TSHZ2: variants seen among roughly 807,000 people sequenced by gnomAD.
TSHZ2 encodes the protein teashirt zinc finger homeobox 2.
TSHZ2 carries 21 observed loss-of-function variants against 74.4 expected under a neutral mutation model. The observed-to-expected ratio is 0.28, with a 90% CI of 0.20 to 0.41. The LOEUF (loss-of-function observed/expected upper bound fraction) is 0.41, where lower values mean the gene tolerates loss of function less well. Ranked by LOEUF, TSHZ2 falls within the 10% of genes least tolerant of loss-of-function variation. The pLI is 1.00. For missense variants in TSHZ2, 1,244 were observed against 1,293.5 expected (o/e 0.96, Z 0.59); for synonymous variants, 540 against 515.3 (o/e 1.05, Z -0.65).
intron 2 of TSHZ2, among the ~76,000 whole-genome samples, chr20:53,310,896 G>A (rs1192083681): frequency 1.3e-5 from 2 of 152,202 alleles, no homozygotes; most frequent in Non-Finnish European, 2.9e-5. Context: ...CACTCAAGGA[G>A]AAGGGACTAC....
intron 2 of TSHZ2, among the ~76,000 whole-genome samples, chr20:53,484,376 C>A (rs886548652): frequency 7.7e-6 from 1 of 130,378 alleles, no homozygotes; most frequent in Non-Finnish European, 1.6e-5. Flanking sequence ...TTACTTTTAT[C>A]TCTCTCTTTT....
chr20:53,388,646 T>G (rs1272763119), intron 2 of TSHZ2, among the ~76,000 whole-genome samples: 3 of 151,574 alleles, frequency 2.0e-5, no homozygotes, highest in African/African-American at 7.3e-5. Context: ...CAGGCGACCT[T>G]GGCTCACTGC....
At chr20:53,325,451 G>A (rs899699682) in intron 2 of TSHZ2, among the ~76,000 whole-genome samples, 1 of 152,200 alleles carries the variant, frequency 6.6e-6, no homozygotes, top group African/African-American at 2.4e-5. Context: ...GCCTGGGAGA[G>A]CAGCTGGCCG....
At chr20:53,064,374 G>C (rs895968839) in intron 1 of TSHZ2, among the ~76,000 whole-genome samples, 2 of 152,146 alleles carry the variant, frequency 1.3e-5, no homozygotes, top group Non-Finnish European at 2.9e-5. Context: ...TTAAGCAAAA[G>C]TCATGTACAG....
At chr20:53,050,103 G>GTATGTATATATATATATATATATA (rs1422702818) in intron 1 of TSHZ2, among the ~76,000 whole-genome samples, 8 of 116,054 alleles carry the variant, frequency 6.9e-5, no homozygotes, top group African/African-American at 3.1e-4. Context: ...GTATATGTGT[G>GTATGTATATATATATATATATATA]TATATATATA....
chr20:53,141,860 G>A (rs1230347046), intron 1 of TSHZ2, among the ~76,000 whole-genome samples: 1 of 152,214 alleles, frequency 6.6e-6, no homozygotes, highest in Admixed American at 6.5e-5. Flanking sequence ...CTCCATCACC[G>A]GGGAGAAGTG....
Position 53,255,333 on chromosome 20 carries a change from TTTCAGCCA to T in TSHZ2, c.1876_1883del (p.Phe626GlnfsTer2). On this transcript the variant is annotated frameshift_variant, in exon 2 of 3. Transcript: ENST00000371497. LOFTEE classifies it high-confidence loss of function. The surrounding 1 kb of genome is among the most constrained non-coding windows in gnomAD (Gnocchi z 4.1). ...AAAGTCCCCACGAAGAGGCCTCATC[TTTCAGCCA>T]CAGTGAGGGCGATTCTTTCCGCAAA... is the stretch of plus-strand genomic sequence containing the variant. The T allele has an allele frequency of 3.7e-6, 6 of 1,614,022 alleles. No homozygotes were observed. Among genetic ancestry groups the T allele is most frequent in the Non-Finnish European group, 5.1e-6 (6 of 1,179,952 alleles).
chr20:53,151,613 G>T (rs1987679020), intron 1 of TSHZ2, among the ~76,000 whole-genome samples: 1 of 152,074 alleles, frequency 6.6e-6, no homozygotes. Context: ...ATTTTTTTAA[G>T]CTTTAAAAAG....
At chr20:53,204,166 TATCATCATATGATGATATGATAC>T (rs1273499322) in intron 1 of TSHZ2, among the ~76,000 whole-genome samples, 4 of 143,946 alleles carry the variant, frequency 2.8e-5, no homozygotes, top group Admixed American at 1.4e-4. Flanking sequence ...TATGATACTA[TATCATCATATGATGATATGATAC>T]TATATCATCA....
chr20:53,220,679 C>T (rs1989534142), intron 1 of TSHZ2, among the ~76,000 whole-genome samples: 1 of 152,212 alleles, frequency 6.6e-6, no homozygotes, highest in Non-Finnish European at 1.5e-5. Flanking sequence ...ACAGAAAAAG[C>T]TTGCTGACTG....
intron 2 of TSHZ2, among the ~76,000 whole-genome samples, chr20:53,340,979 C>T (rs529417553): frequency 9.9e-5 from 15 of 152,284 alleles, no homozygotes; most frequent in African/African-American, 3.4e-4. Flanking sequence ...GCTGTGCTTG[C>T]CATTGTCATT....
chr20:53,352,241 T>C (rs1254864911), intron 2 of TSHZ2, among the ~76,000 whole-genome samples: 24 of 143,984 alleles, frequency 1.7e-4, no homozygotes, highest in Non-Finnish European at 3.6e-4. Flanking sequence ...TCTTTTTTTT[T>C]TTTTTTTTTT....
At chr20:53,004,553 AG>A (rs1486062567) in intron 1 of TSHZ2, among the ~76,000 whole-genome samples, 1 of 152,230 alleles carries the variant, frequency 6.6e-6, no homozygotes, top group African/African-American at 2.4e-5. Context: ...ATTTACGCTT[AG>A]CAGTCCAGAC....
At chr20:53,146,222 TC>T (rs1987536456) in intron 1 of TSHZ2, among the ~76,000 whole-genome samples, 7 of 149,698 alleles carry the variant, frequency 4.7e-5, no homozygotes, top group African/African-American at 1.7e-4. Flanking sequence ...ACTCAAATCA[TC>T]AGTGAATGCA....
chr20:53,306,946 C>T (rs1978570091), intron 2 of TSHZ2, among the ~76,000 whole-genome samples: 1 of 152,180 alleles, frequency 6.6e-6, no homozygotes, highest in Non-Finnish European at 1.5e-5. Flanking sequence ...ACAGTTTATC[C>T]TCACAGGAAT....
intron 2 of TSHZ2, chr20:53,461,507 G>C (rs989667442): frequency 1.3e-5 from 2 of 153,216 alleles, no homozygotes; most frequent in Non-Finnish European, 1.5e-5. Context: ...CTTCTGCGTC[G>C]CTCAGGCTGG....
At chr20:53,277,623 C>G (rs540333659) in intron 2 of TSHZ2, among the ~76,000 whole-genome samples, 1 of 152,168 alleles carries the variant, frequency 6.6e-6, no homozygotes, top group African/African-American at 2.4e-5. Flanking sequence ...AAATGGCAAA[C>G]GTGGACCAGC....
chr20:53,007,157 C>G (rs1377326632), intron 1 of TSHZ2, among the ~76,000 whole-genome samples: 1 of 152,142 alleles, frequency 6.6e-6, no homozygotes, highest in Non-Finnish European at 1.5e-5. Flanking sequence ...TGGCATTGAA[C>G]TTGATACTTG....
At chr20:53,449,546 A>T (rs1984689794) in intron 2 of TSHZ2, among the ~76,000 whole-genome samples, 1 of 152,222 alleles carries the variant, frequency 6.6e-6, no homozygotes, top group African/African-American at 2.4e-5. Flanking sequence ...GTAAACAAGT[A>T]AGTAATATAC....
Sources: gnomAD v4.1 joint callset for allele counts (sites outside exome capture counted in the v4.1 genomes callset) on GRCh38, gnomAD v4.1.1 for gene constraint, Gnocchi (gnomAD v3.1) non-coding constraint, MANE v1.5 for transcripts, NCBI Gene and HGNC (gene_info 2026-07-23, HGNC 2026-07-21) for gene names.